Variants in RNF128 observed in about 807,000 individuals in gnomAD.
RNF128 encodes the protein ring finger protein 128, also known as E3 ubiquitin-protein ligase RNF128.
In RNF128, 13 loss-of-function variants were observed where a neutral mutation model predicts 26.2. The observed-to-expected ratio is 0.50, with a 90% CI of 0.32 to 0.79. The LOEUF is 0.79. RNF128 is among the 30% of genes least tolerant of loss of function. RNF128 has a pLI of 0.03. For synonymous variants in RNF128, 149 were observed against 142.5 expected (o/e 1.05, Z -0.32); for missense variants, 315 against 349.7 (o/e 0.90, Z 0.79).
At chrX:106,708,992 A>G (rs1443271490) in intron 1 of RNF128, among the ~76,000 whole-genome samples, 1 of 111,548 alleles carries the variant, frequency 9.0e-6, no homozygotes, top group Non-Finnish European at 1.9e-5. Context: ...TTTTTTGTAC[A>G]AGGTTCCTAG....
intron 3 of RNF128, among the ~76,000 whole-genome samples, chrX:106,785,877 C>T (rs1176235932): frequency 9.0e-6 from 1 of 111,153 alleles, no homozygotes; most frequent in African/African-American, 3.3e-5. Flanking sequence ...TAAATCTTAC[C>T]AAAGTCATGA....
At chrX:106,744,074 A>T (rs1206632540) in intron 1 of RNF128, among the ~76,000 whole-genome samples, 1 of 97,622 alleles carries the variant, frequency 1.0e-5, no homozygotes, top group Non-Finnish European at 2.0e-5. Context: ...GGACACAGGA[A>T]GGGGGACATC....
rs754640529 is a variant in RNF128 at position 106,726,936 on chromosome X, G to A, written c.23G>A (p.Gly8Glu). Residue 8 changes from glycine to glutamate, a missense_variant, in exon 1 of 7, where the codon GGG becomes GAG. Transcript: ENST00000255499. ...GCCATGGGGCCGCCGCCTGGGGCCG[G>A]GGTCTCCTGCCGCGGTGGCTGCGGC... Reference protein sequence around the residue: MGPPPGAGVSCRGGCGFS... With the variant: MGPPPGAEVSCRGGCGFS... 2.1e-5 allele frequency: 25 copies of A among 1,179,354 alleles called. No individual in the cohort carries two copies. The African/African-American group carries it at 4.0e-4, about 19-fold the overall frequency.
chrX:106,768,412 A>G lies in RNF128; in HGVS notation c.485-4501A>G, dbSNP rs373487234. 2.4e-4 allele frequency among the ~76,000 whole-genome samples: 27 copies of G among 111,613 alleles called. No homozygotes were observed. The East Asian group carries it at 7.0e-3, about 29-fold the overall frequency. On this transcript the variant is annotated intron_variant, in intron 1 of 6. Coordinates refer to ENST00000255499, the MANE Select transcript of RNF128 (RefSeq NM_194463.2). ...TTCAGAGGCTGTTATTGGTCTATTC[A>G]GAGATTCAACTTCTTCCTGGTTTAG...
At chrX:106,761,247 A>G (rs1250377973) in intron 1 of RNF128, among the ~76,000 whole-genome samples, 2 of 112,281 alleles carry the variant, frequency 1.8e-5, no homozygotes, top group Non-Finnish European at 3.8e-5. Flanking sequence ...CCCACCAGTC[A>G]GTATGGCTAT....
exon 1 of RNF128, chrX:106,693,986 A>G (rs776856092): frequency 8.6e-7 from 1 of 1,166,086 alleles, no homozygotes; most frequent in Middle Eastern, 2.4e-4. Flanking sequence ...TAAATTTTAT[A>G]CTCAAATGAA....
chrX:106,773,226 C>T, intron 2 of RNF128, 66 bp downstream of exon 2: 1 of 1,060,906 alleles, frequency 9.4e-7, no homozygotes, highest in South Asian at 2.2e-5. Context: ...TTTCAGGGTC[C>T]TGCATTTTAA....
chrX:106,764,073 C>T (rs1930171302), intron 1 of RNF128, among the ~76,000 whole-genome samples: 1 of 109,748 alleles, frequency 9.1e-6, no homozygotes, highest in Non-Finnish European at 1.9e-5. Context: ...CGCCATTCTC[C>T]TGCCTCAGCC....
At chrX:106,772,865 A>G (rs1930397919) in intron 1 of RNF128, 48 bp from the exon 2 acceptor site, 1 of 1,161,229 alleles carries the variant, frequency 8.6e-7, no homozygotes, top group East Asian at 3.0e-5. Context: ...GGGTTATTAT[A>G]CTAAGAATGT....
rs1162196154 is a variant in RNF128 at position 106,769,549 on chromosome X, T to TG, written c.485-3364_485-3363insG. Among the ~76,000 whole-genome samples the TG allele has an allele frequency of 3.5e-3, 287 of 82,041 alleles. 2 individuals are homozygous for TG. Among genetic ancestry groups the TG allele is most frequent in the African/African-American group, 0.025 (257 of 10,107 alleles). 71.2% of individuals were successfully genotyped at this position (82,041 alleles called of 115,157 possible). The stretch of plus-strand genomic sequence containing the variant: ...CTAGGATTGCTACACCTGCTTTGTT[T>TG]TTTTTTTTTTTTTTTGCTTTCCATT... On this transcript the variant is annotated intron_variant, in intron 1 of 6. Coordinates refer to ENST00000255499, the MANE Select transcript of RNF128 (RefSeq NM_194463.2).
intron 1 of RNF128, among the ~76,000 whole-genome samples, chrX:106,714,019 C>CA (rs1262378038): frequency 1.8e-5 from 2 of 109,948 alleles, no homozygotes; most frequent in Non-Finnish European, 3.8e-5. Flanking sequence ...ACTAAAAATA[C>CA]AAAAAAATTA....
At chrX:106,731,182 T>TG (rs1402095127) in intron 1 of RNF128, among the ~76,000 whole-genome samples, 15 of 112,367 alleles carry the variant, frequency 1.3e-4, no homozygotes, top group Non-Finnish European at 2.8e-4. Context: ...CCTGTGTTTG[T>TG]AGAACATAAT....
intron 1 of RNF128, among the ~76,000 whole-genome samples, chrX:106,719,685 C>A (rs1204561339): frequency 2.7e-5 from 3 of 111,419 alleles, no homozygotes; most frequent in Non-Finnish European, 5.6e-5. Flanking sequence ...AGGCTTTCAT[C>A]TAATGGAATA....
At chrX:106,713,297 T>G (rs1929161345) in intron 1 of RNF128, among the ~76,000 whole-genome samples, 1 of 110,337 alleles carries the variant, frequency 9.1e-6, no homozygotes, top group African/African-American at 3.3e-5. Flanking sequence ...TTGCTTGAGC[T>G]TAGGAGTTGG....
intron 1 of RNF128, among the ~76,000 whole-genome samples, chrX:106,699,935 T>C (rs1053107925): frequency 8.9e-5 from 10 of 111,918 alleles, no homozygotes; most frequent in Non-Finnish European, 1.7e-4. Context: ...CTTATACATA[T>C]TATTTTCTAT....
At chrX:106,733,205 G>A (rs953315828) in intron 1 of RNF128, among the ~76,000 whole-genome samples, 1 of 111,303 alleles carries the variant, frequency 9.0e-6, no homozygotes, top group Non-Finnish European at 1.9e-5. Context: ...TAAGGAAATT[G>A]AGCATCTGTG....
chrX:106,779,728 G>A (rs1930534317), intron 2 of RNF128, among the ~76,000 whole-genome samples: 1 of 110,784 alleles, frequency 9.0e-6, no homozygotes. Context: ...CATGAGAGTG[G>A]TCTGCACTCT....
At chrX:106,729,143 G>A (rs1929459019) in intron 1 of RNF128, among the ~76,000 whole-genome samples, 1 of 111,578 alleles carries the variant, frequency 9.0e-6, no homozygotes, top group South Asian at 3.8e-4. Flanking sequence ...GTATTTATCT[G>A]ATAGTTTTAG....
intron 1 of RNF128, among the ~76,000 whole-genome samples, chrX:106,714,568 T>C (rs1440444471): frequency 9.0e-6 from 1 of 111,208 alleles, no homozygotes; most frequent in African/African-American, 3.3e-5. Context: ...TCACTAGTTT[T>C]ACATGCAATT....
Sources: allele counts gnomAD v4.1 joint callset (sites outside exome capture counted in the v4.1 genomes callset), GRCh38; gene constraint gnomAD v4.1.1; transcripts MANE v1.5; gene names NCBI Gene and HGNC (gene_info 2026-07-23, HGNC 2026-07-21).